Variants in RCN2 observed in about 807,000 individuals in gnomAD.
RCN2 encodes the protein reticulocalbin-2.
In RCN2, 23 loss-of-function variants were observed where a neutral mutation model predicts 37.5. The ratio of observed to expected loss-of-function variants is 0.61; its 90% CI spans 0.44 to 0.87. The LOEUF is 0.87. RCN2 is among the 40% of genes least tolerant of loss of function. RCN2 has a pLI of 0.00. For missense variants in RCN2, 381 were observed against 390.4 expected, an observed-to-expected ratio of 0.98 and a Z score of 0.20; for synonymous variants, 140 against 144.6, an observed-to-expected ratio of 0.97 and a Z score of 0.23.
chr15:76,951,679 CTT>C lies in RCN2; in HGVS notation c.*2460_*2461del, dbSNP rs2075321497. On this transcript the variant is annotated 3_prime_UTR_variant, in exon 7 of 7. Coordinates refer to ENST00000394885, the MANE Select transcript of RCN2 (RefSeq NM_002902.3). ...TTTTAGATTTGAATTTTAAATAAGA[CTT>C]TTAAAATAAAGCTTTTATTTTGGTT... 1 of 152,084 alleles carries C rather than the reference CTT, an allele frequency of 6.6e-6. No homozygotes were observed. The highest frequency in any genetic ancestry group is 3.4e-3 in the Middle Eastern group (1 of 294). The allele number at this position is 152,084 out of a possible 1,614,324, so 9.4% of individuals were successfully genotyped here.
intron 3 of RCN2, among the ~76,000 whole-genome samples, chr15:76,939,365 A>G (rs1485588858): frequency 6.6e-6 from 1 of 152,150 alleles, no homozygotes; most frequent in African/African-American, 2.4e-5. Context: ...TTTGATTTAA[A>G]AGAATATTGA....
In RCN2 at chr15:76,949,375, GAA is replaced by G. The variant is rs977254079; in HGVS notation, c.*161_*162del. 2.1e-6 allele frequency: 1 copy of G among 482,400 alleles called. No individual in the cohort carries two copies. Among genetic ancestry groups the G allele is most frequent in the Non-Finnish European group, 3.3e-6 (1 of 307,378 alleles). 29.9% of individuals were successfully genotyped at this position (482,400 alleles called of 1,614,324 possible). ...GTAGATTATAATTTTGGTCTTTTAG[GAA>G]AAAAAAACAAAAATCTGATATTTAT... On this transcript the variant is annotated 3_prime_UTR_variant, in exon 7 of 7. Coordinates refer to ENST00000394885, the MANE Select transcript of RCN2 (RefSeq NM_002902.3).
intron 4 of RCN2, among the ~76,000 whole-genome samples, chr15:76,946,191 C>T (rs2075295909): frequency 1.3e-5 from 2 of 152,184 alleles, no homozygotes; most frequent in African/African-American, 2.4e-5. Context: ...CATGGTGGCT[C>T]ACACCTGTAA....
In RCN2 at chr15:76,949,972, A is replaced by ATGCAG. The variant is rs573996156; in HGVS notation, c.*750_*751insTGCAG. The ATGCAG allele has an allele frequency of 4.3e-3, 661 of 152,710 alleles. 7 individuals carry two copies. The highest frequency in any genetic ancestry group is 0.015 in the African/African-American group (629 of 41,558). 9.5% of individuals were successfully genotyped at this position (152,710 alleles called of 1,614,324 possible). A position where few individuals can be genotyped will look rare whatever the true frequency, so the allele number is the denominator to read the frequency against. On this transcript the variant is annotated 3_prime_UTR_variant, in exon 7 of 7. Coordinates refer to ENST00000394885, the MANE Select transcript of RCN2 (RefSeq NM_002902.3). ...TTTAGCATAGGTTTTGTGGTATTGT[A>ATGCAG]CATTATCTTGCCTCATCCATTCCTT...
Position 76,948,659 on chromosome 15 carries a change from GT to G in RCN2, c.801+109del. 2.6e-6 allele frequency: 3 copies of G among 1,138,474 alleles called. No homozygotes were observed. The South Asian group carries it at 5.5e-5, about 21-fold the overall frequency. The allele number at this position is 1,138,474 out of a possible 1,614,324, so 70.5% of individuals were successfully genotyped here. A position where few individuals can be genotyped will look rare whatever the true frequency, so the allele number is the denominator to read the frequency against. ...TTAAGCCAAAGAAAGAAGTAATGGA[GT>G]TATTTGGGATTGATGCATTACTATG... On this transcript the variant is annotated intron_variant, in intron 6 of 6. Transcript: ENST00000394885.
chr15:76,932,037 C>T lies in RCN2; in HGVS notation c.144+52C>T, dbSNP rs551503219. On this transcript the variant is annotated intron_variant, in intron 1 of 6. Coordinates refer to ENST00000394885, the MANE Select transcript of RCN2 (RefSeq NM_002902.3). ...GGGCCGGGCCTCGCACCGCGGCTGC[C>T]GCGGGCTTTGTCCCGGGACAAAGGG... 1.1e-4 allele frequency: 134 copies of T among 1,234,972 alleles called. No homozygotes were observed. In the African/African-American group the frequency reaches 1.8e-3, roughly 17 times the overall value. 76.5% of individuals were successfully genotyped at this position (1,234,972 alleles called of 1,614,324 possible). A position where few individuals can be genotyped will look rare whatever the true frequency, so the allele number is the denominator to read the frequency against.
At position 76,931,936 on chromosome 15, in the gene RCN2, TG is replaced by T; in HGVS notation, c.98del (p.Gly33AlafsTer38). The stretch of plus-strand genomic sequence containing the variant: ...AAGGCCGAGGAGCTGCACTACCCGC[TG>T]GGCGAGCGCCGCAGCGACTACGACC... ...AGKAEELHYP[L>X]GERRSDYDRE... On this transcript the variant is annotated frameshift_variant, in exon 1 of 7. Coordinates refer to ENST00000394885, the MANE Select transcript of RCN2 (RefSeq NM_002902.3). LOFTEE classifies it high-confidence loss of function. The T allele has an allele frequency of 7.7e-7, 1 of 1,305,616 alleles. No homozygotes were observed. The highest frequency in any genetic ancestry group is 2.1e-5 in the South Asian group (1 of 46,646). The allele number at this position is 1,305,616 out of a possible 1,614,324, so 80.9% of individuals were successfully genotyped here. A position where few individuals can be genotyped will look rare whatever the true frequency, so the allele number is the denominator to read the frequency against.
Position 76,949,124 on chromosome 15 carries a change from G to C in RCN2, c.856G>C (p.Glu286Gln). The change falls in exon 7 of 7, where the codon GAA (glutamate) becomes CAA (glutamine). Residue 286 changes from glutamate to glutamine, a missense_variant. Physicochemically the swap from Glu to Gln is conservative, Grantham distance 29. Transcript: ENST00000394885. ...DLNGDKKLSE[E>Q]EILENPDLFL... Reference sequence around the variant, plus strand: ...GAATGGTGACAAAAAGCTCTCTGAAGAAGAGATTCTGGAAAACCCGGACTT... The same window carrying C: ...GAATGGTGACAAAAAGCTCTCTGAACAAGAGATTCTGGAAAACCCGGACTT... 1.2e-6 allele frequency: 2 copies of C among 1,613,136 alleles called. No homozygotes were observed. Among genetic ancestry groups the C allele is most frequent in the Non-Finnish European group, 1.7e-6 (2 of 1,179,648 alleles).
chr15:76,935,645 A>C lies in RCN2; in HGVS notation c.370A>C (p.Ile124Leu), dbSNP rs766564487. 1 of 1,614,040 alleles carries C rather than the reference A, an allele frequency of 6.2e-7. No homozygotes were observed. The highest frequency in any genetic ancestry group is 8.5e-7 in the Non-Finnish European group (1 of 1,179,890). ...DDTVTWDEYN[I>L]QMYDRVIDFD... Reference sequence around the variant, plus strand: ...TACTGTGACTTGGGATGAATATAACATTCAGATGTATGATCGTGTGATTGA... The same window carrying C: ...TACTGTGACTTGGGATGAATATAACCTTCAGATGTATGATCGTGTGATTGA... Residue 124 changes from isoleucine to leucine, a missense_variant, in exon 3 of 7, where the codon ATT (isoleucine) becomes CTT (leucine). By Grantham distance (5) the Ile-to-Leu change is conservative. Transcript: ENST00000394885.
rs149203038 is a variant in RCN2, at chr15:76,935,360, A to T, written c.251-166A>T. Among the ~76,000 whole-genome samples the T allele has an allele frequency of 4.1e-4, 62 of 152,272 alleles. 1 individual carries two copies. The East Asian group carries it at 0.012, about 29-fold the overall frequency. ...AATTAAAAGCTTCATGAGCTCTTCTAAACAGCCTTTCCCACTTCCTACCCC... is the reference window on the plus strand; with the variant it reads ...AATTAAAAGCTTCATGAGCTCTTCTTAACAGCCTTTCCCACTTCCTACCCC... On this transcript the variant is annotated intron_variant, in intron 2 of 6. Coordinates refer to ENST00000394885, the MANE Select transcript of RCN2 (RefSeq NM_002902.3).
chr15:76,951,727 T>A lies in RCN2; in HGVS notation c.*2505T>A, dbSNP rs2075321775. 1 of 152,234 alleles carries A rather than the reference T, an allele frequency of 6.6e-6. No individual in the cohort carries two copies. Among genetic ancestry groups the A allele is most frequent in the Non-Finnish European group, 1.5e-5 (1 of 68,038 alleles). 9.4% of individuals were successfully genotyped at this position (152,234 alleles called of 1,614,324 possible). ...TGGTTTTAATATAATTAGGATAATT[T>A]GAATTTATCCTTGAGCATGAGAGTA... On this transcript the variant is annotated 3_prime_UTR_variant, in exon 7 of 7. Transcript: ENST00000394885.
chr15:76,948,624 G>T, intron 6 of RCN2, 72 bp downstream of exon 6: 1 of 1,400,096 alleles, frequency 7.1e-7, no homozygotes, highest in African/African-American at 1.4e-5. Flanking sequence ...AGGAAAAGAA[G>T]TTCAAAATCT....
At chr15:76,943,570 A>C in intron 3 of RCN2, 188 bp from the exon 4 acceptor site, 1 of 434,162 alleles carries the variant, frequency 2.3e-6, no homozygotes, top group Non-Finnish European at 4.2e-6. Flanking sequence ...GTCTGGGTCT[A>C]TATGACTCTA....
In RCN2 at chr15:76,931,914, G is replaced by C; in HGVS notation, c.73G>C (p.Ala25Pro). 1 of 1,329,348 alleles carries C rather than the reference G, an allele frequency of 7.5e-7. No homozygotes were observed. The highest frequency in any genetic ancestry group is 9.6e-7 in the Non-Finnish European group (1 of 1,038,658). The allele number at this position is 1,329,348 out of a possible 1,614,324, so 82.3% of individuals were successfully genotyped here. A position where few individuals can be genotyped will look rare whatever the true frequency, so the allele number is the denominator to read the frequency against. ...CGCCGCCGCGGCCGGCGCCGGCAAG[G>C]CCGAGGAGCTGCACTACCCGCTGGG... ...LCAAAAGAGK[A>P]EELHYPLGER... The change falls in exon 1 of 7, where the codon GCC becomes CCC. Residue 25 changes from alanine to proline, a missense_variant. By Grantham distance (27) the Ala-to-Pro change is conservative (BLOSUM62 -1). Transcript: ENST00000394885.
chr15:76,940,771 AG>A (rs796370208), intron 3 of RCN2, among the ~76,000 whole-genome samples: 72 of 152,082 alleles, frequency 4.7e-4, no homozygotes, highest in African/African-American at 1.6e-3. Flanking sequence ...CACGTTGGTC[AG>A]GCTGGTCTCA....
At chr15:76,932,991 G>T (rs2075231111) in intron 2 of RCN2, among the ~76,000 whole-genome samples, 1 of 151,972 alleles carries the variant, frequency 6.6e-6, no homozygotes, top group Non-Finnish European at 1.5e-5. Flanking sequence ...TGAAGCACAG[G>T]GATAAGTGCC....
chr15:76,939,959 G>A (rs920396467), intron 3 of RCN2, among the ~76,000 whole-genome samples: 2 of 152,256 alleles, frequency 1.3e-5, no homozygotes, highest in African/African-American at 4.8e-5. Flanking sequence ...TTTAAAAGGT[G>A]TCTGGTTCTA....
chr15:76,942,241 A>T (rs1396561468), intron 3 of RCN2: 1 of 152,260 alleles, frequency 6.6e-6, no homozygotes, highest in African/African-American at 2.4e-5. Context: ...GACCTCTATT[A>T]TTCTAGAAGA....
At chr15:76,936,484 A>T (rs1294142347) in intron 3 of RCN2, among the ~76,000 whole-genome samples, 1 of 152,090 alleles carries the variant, frequency 6.6e-6, no homozygotes, top group Non-Finnish European at 1.5e-5. Context: ...GATCCCTCAC[A>T]TGTACAGTTC....
Sources: allele counts gnomAD v4.1 joint callset (sites outside exome capture counted in the v4.1 genomes callset), GRCh38; gene constraint gnomAD v4.1.1; transcripts MANE v1.5; gene names NCBI Gene and HGNC (gene_info 2026-07-23, HGNC 2026-07-21).